Variants in CDC123 observed in about 807,000 individuals in gnomAD.
CDC123 encodes the protein cell division cycle 123.
CDC123 carries 37 observed loss-of-function variants against 54.4 expected under a neutral mutation model. The ratio of observed to expected loss-of-function variants is 0.68; its 90% CI spans 0.52 to 0.89. The LOEUF is 0.89. Ranked by LOEUF, CDC123 falls within the 40% of genes least tolerant of loss-of-function variation. CDC123 has a pLI of 0.00. For missense variants in CDC123, 361 were observed against 412.1 expected (o/e 0.88, Z 1.07); for synonymous variants, 144 against 136.8 (o/e 1.05, Z -0.37).
chr10:12,246,063 C>G (rs1836130736), intron 10 of CDC123, 86 bp from the exon 11 acceptor site: 1 of 1,411,190 alleles, frequency 7.1e-7, no homozygotes, highest in Non-Finnish European at 9.7e-7. Flanking sequence ...GCATGAGACC[C>G]TGTCTCAGAA....
chr10:12,238,524 G>T (rs1490607611), intron 10 of CDC123, 39 bp downstream of exon 10: 1 of 1,597,874 alleles, frequency 6.3e-7, no homozygotes, highest in Non-Finnish European at 8.5e-7. Context: ...TAATATAAGA[G>T]CTGGTTTTAT....
chr10:12,197,040 A>G (rs1360753890), intron 1 of CDC123, among the ~76,000 whole-genome samples: 1 of 152,214 alleles, frequency 6.6e-6, no homozygotes, highest in African/African-American at 2.4e-5. Flanking sequence ...TTCAATAAAG[A>G]TCGGATATGT....
intron 10 of CDC123, among the ~76,000 whole-genome samples, chr10:12,239,824 C>A (rs1431181880): frequency 6.6e-6 from 1 of 151,424 alleles, no homozygotes. Context: ...CTGGCTAAAA[C>A]GGTGAAACCC....
chr10:12,235,074 G>A lies in CDC123; in HGVS notation c.516G>A (p.Leu172=). The change falls in exon 8 of 13, where the codon TTG becomes TTA. Residue 172 remains leucine, a synonymous_variant. Transcript: ENST00000281141. ...YELVLRKWCE[L]IPGAEFRCFV... ...TCGTTCTCCGAAAATGGTGTGAATTGATTCCTGGGGCTGAGTTTCGATGTT... is the reference window on the plus strand; with the variant it reads ...TCGTTCTCCGAAAATGGTGTGAATTAATTCCTGGGGCTGAGTTTCGATGTT... 1 of 1,613,976 alleles carries A rather than the reference G, an allele frequency of 6.2e-7. No individual in the cohort carries two copies. Among genetic ancestry groups the A allele is most frequent in the Non-Finnish European group, 8.5e-7 (1 of 1,179,898 alleles).
At chr10:12,249,142 AAAT>A (rs200614086) in intron 11 of CDC123, among the ~76,000 whole-genome samples, 1 of 151,540 alleles carries the variant, frequency 6.6e-6, no homozygotes, top group Non-Finnish European at 1.5e-5. Context: ...AAAAAAAAAA[AAAT>A]AGTTTGGCAT....
At chr10:12,217,524 A>G (rs1466923370) in intron 6 of CDC123, 57 bp downstream of exon 6, 29 of 1,555,244 alleles carry the variant, frequency 1.9e-5, no homozygotes, top group South Asian at 2.3e-5. Flanking sequence ...AAATTTCTCT[A>G]TAGATGAAAT....
At position 12,238,441 on chromosome 10, in the gene CDC123, T is replaced by G; in HGVS notation, c.689-16T>G. The G allele has an allele frequency of 6.3e-7, 1 of 1,597,466 alleles. No individual in the cohort carries two copies. The highest frequency in any genetic ancestry group is 8.5e-7 in the Non-Finnish European group (1 of 1,175,386). On this transcript the variant is annotated splice_polypyrimidine_tract_variant and intron_variant, in intron 9 of 12. Coordinates refer to ENST00000281141, the MANE Select transcript of CDC123 (RefSeq NM_006023.3). ...ATATTAGTTCATTAATAACTGACTT[T>G]TTTTCTCCTTTACAGTTGTGTTCGA...
intron 5 of CDC123, among the ~76,000 whole-genome samples, chr10:12,216,800 T>G (rs1222048661): frequency 1.3e-5 from 2 of 152,244 alleles, no homozygotes; most frequent in African/African-American, 4.8e-5. Context: ...GCTTTGTGCC[T>G]GCTTTGCATT....
chr10:12,223,211 T>C (rs1425426156), intron 6 of CDC123, among the ~76,000 whole-genome samples: 1 of 152,154 alleles, frequency 6.6e-6, no homozygotes, highest in Non-Finnish European at 1.5e-5. Context: ...CATCTTTCAG[T>C]GTGCAAAATA....
At position 12,196,263 on chromosome 10, in the gene CDC123, G is replaced by T; in HGVS notation, c.18G>T (p.Val6=). The T allele has an allele frequency of 6.2e-7, 1 of 1,613,950 alleles. No homozygotes were observed. Among genetic ancestry groups the T allele is most frequent in the Non-Finnish European group, 8.5e-7 (1 of 1,179,898 alleles). The change falls in exon 1 of 13, where the codon GTG becomes GTT. Residue 6 remains valine (V), a synonymous_variant. Transcript: ENST00000281141. ...GCTGGAGGATGAAGAAGGAGCATGT[G>T]CTTCACTGCCAGTTCTCCGCGTGGT... MKKEH[V]LHCQFSAWYP... is the part of the protein sequence containing the mutation.
intron 10 of CDC123, among the ~76,000 whole-genome samples, chr10:12,244,031 A>T (rs1212085077): frequency 1.3e-5 from 2 of 152,206 alleles, no homozygotes; most frequent in Non-Finnish European, 2.9e-5. Flanking sequence ...TGGGGCTTGT[A>T]TAAAATGAGG....
intron 2 of CDC123, among the ~76,000 whole-genome samples, chr10:12,204,437 A>G (rs1835486394): frequency 6.6e-6 from 1 of 152,210 alleles, no homozygotes; most frequent in Non-Finnish European, 1.5e-5. Flanking sequence ...AGCCATGTGT[A>G]TAAGATGTAT....
At chr10:12,198,633 A>G (rs969607024) in intron 1 of CDC123, 72 bp from the exon 2 acceptor site, 38 of 803,766 alleles carry the variant, frequency 4.7e-5, no homozygotes, top group Admixed American at 1.3e-4. Flanking sequence ...AAATTAATCA[A>G]GTGTAGAGAT....
chr10:12,197,409 TCTGTCGCCCAAGCTGG>T (rs2131726990), intron 1 of CDC123, among the ~76,000 whole-genome samples: 1 of 152,232 alleles, frequency 6.6e-6, no homozygotes, highest in East Asian at 1.9e-4. Context: ...AGAGTTTTGT[TCTGTCGCCCAAGCTGG>T]AGTGCAGTGG....
At chr10:12,197,759 C>G (rs954049769) in intron 1 of CDC123, among the ~76,000 whole-genome samples, 1 of 151,890 alleles carries the variant, frequency 6.6e-6, no homozygotes, top group Non-Finnish European at 1.5e-5. Context: ...CTCTGTCGCC[C>G]AAGCTGGAGT....
chr10:12,219,445 C>G (rs531882892), intron 6 of CDC123, among the ~76,000 whole-genome samples: 1 of 152,210 alleles, frequency 6.6e-6, no homozygotes, highest in South Asian at 2.1e-4. Context: ...TCAAGTGATC[C>G]TTCTGTGCCT....
intron 1 of CDC123, among the ~76,000 whole-genome samples, chr10:12,197,206 A>G (rs1835367215): frequency 6.6e-6 from 1 of 152,238 alleles, no homozygotes; most frequent in South Asian, 2.1e-4. Context: ...AGGAAGGCTT[A>G]TTTGTAATCA....
At chr10:12,225,112 G>C (rs1228468559) in intron 6 of CDC123, among the ~76,000 whole-genome samples, 1 of 152,084 alleles carries the variant, frequency 6.6e-6, no homozygotes, top group Non-Finnish European at 1.5e-5. Context: ...TCTAAAATAT[G>C]GGCTGGGTGC....
At position 12,198,717 on chromosome 10, in the gene CDC123, A is replaced by C; in HGVS notation, c.87A>C (p.Pro29=). ...RGVTIKSVIL[P]LPQNVKDYLL... ...GTTTTTTTTTTAGTGTCATTCTTCC[A>C]CTTCCTCAGAATGTGAAGGATTATT... is the stretch of plus-strand genomic sequence containing the variant. Residue 29 remains proline (P), a synonymous_variant, in exon 2 of 13, where the codon CCA becomes CCC. Transcript: ENST00000281141. The C allele has an allele frequency of 6.3e-7, 1 of 1,583,534 alleles. No homozygotes were observed. The highest frequency in any genetic ancestry group is 1.2e-5 in the South Asian group (1 of 86,946).
Sources: allele counts gnomAD v4.1 joint callset (sites outside exome capture counted in the v4.1 genomes callset), GRCh38; gene constraint gnomAD v4.1.1; transcripts MANE v1.5; gene names NCBI Gene and HGNC (gene_info 2026-07-23, HGNC 2026-07-21).